The following RTN3 variants were observed in gnomAD, a reference collection of about 807,000 sequenced individuals.
RTN3 encodes the protein reticulon-3.
A neutral mutation model predicts 77.8 loss-of-function variants in RTN3; 49 were observed. The ratio of observed to expected loss-of-function variants is 0.63; its 90% CI spans 0.50 to 0.80. The LOEUF (loss-of-function observed/expected upper bound fraction) is 0.80. Among genes scored for constraint, RTN3 ranks in the 30% least tolerant of loss-of-function variants. The pLI is 0.00. For synonymous variants in RTN3, 464 were observed against 446.9 expected, an observed-to-expected ratio of 1.04 and a Z score of -0.48; for missense variants, 1,236 against 1,211.9, an observed-to-expected ratio of 1.02 and a Z score of -0.29.
chr11:63,755,411 G>A (rs180903354), intron 7 of RTN3, among the ~76,000 whole-genome samples: 2,468 of 150,460 alleles, frequency 0.016, 36 homozygotes, highest in Non-Finnish European at 0.025. Flanking sequence ...TTTGGGAGGC[G>A]GAGGCAGGTG....
intron 2 of RTN3, 128 bp from the exon 3 acceptor site, chr11:63,718,574 T>C: frequency 1.7e-6 from 1 of 595,676 alleles, no homozygotes; most frequent in African/African-American, 1.9e-5. Flanking sequence ...TGTGTGTATA[T>C]ATACATCCTG....
Position 63,727,947 on chromosome 11 carries a change from A to G in RTN3, c.2530+6915A>G, listed in dbSNP as rs1043262413. On this transcript the variant is annotated intron_variant, in intron 3 of 8. Coordinates refer to ENST00000377819, the MANE Select transcript of RTN3 (RefSeq NM_001265589.2). ...AAACACCACCTACTAGGATAATTAC[A>G]AAGAAAACCATACCTTGGTGTATGT... Among the ~76,000 whole-genome samples the G allele has an allele frequency of 2.6e-5, 4 of 152,304 alleles. No homozygotes were observed. The East Asian group carries it at 7.7e-4, about 29-fold the overall frequency.
Position 63,681,665 on chromosome 11 carries a change from C to A in RTN3, c.29C>A (p.Ser10Tyr). 3.1e-6 allele frequency: 5 copies of A among 1,611,580 alleles called. No individual in the cohort carries two copies. The highest frequency in any genetic ancestry group is 4.2e-6 in the Non-Finnish European group (5 of 1,178,706). Residue 10 changes from serine to tyrosine, a missense_variant, in exon 1 of 9, where the codon TCC (serine) becomes TAC (tyrosine). Ser to Tyr is a moderately radical substitution (Grantham distance 144). Around this residue, in one of 3 missense-constraint regions of RTN3, gnomAD observed 1,056 missense variants for 990.4 expected, o/e 1.07. Coordinates refer to ENST00000377819, the MANE Select transcript of RTN3 (RefSeq NM_001265589.2). MAEPSAATQ[S>Y]HSISSSSFGA... ...GCGGAGCCGTCGGCGGCCACTCAGT[C>A]CCATTCCATCTCCTCGTCGTCCTTC...
chr11:63,741,679 T>G (rs1056079814), intron 3 of RTN3, among the ~76,000 whole-genome samples: 1 of 151,894 alleles, frequency 6.6e-6, no homozygotes, highest in Non-Finnish European at 1.5e-5. Flanking sequence ...TTATGTGTTT[T>G]TAGTAGAGAT....
At chr11:63,747,821 A>G (rs1220634392) in intron 3 of RTN3, among the ~76,000 whole-genome samples, 1 of 152,174 alleles carries the variant, frequency 6.6e-6, no homozygotes. Flanking sequence ...TAGGAGGTAG[A>G]TTTCATTTTC....
intron 3 of RTN3, among the ~76,000 whole-genome samples, chr11:63,748,079 G>A (rs908228446): frequency 1.3e-5 from 2 of 151,662 alleles, no homozygotes; most frequent in African/African-American, 2.4e-5. Flanking sequence ...TTGGGATGCC[G>A]AGGCGGGCAG....
At chr11:63,687,540 G>T (rs1242156004) in intron 1 of RTN3, among the ~76,000 whole-genome samples, 2 of 151,922 alleles carry the variant, frequency 1.3e-5, no homozygotes, top group Non-Finnish European at 2.9e-5. Flanking sequence ...AACCCAGGAG[G>T]TGGAGGTTGC....
intron 2 of RTN3, among the ~76,000 whole-genome samples, chr11:63,716,543 C>T (rs997658276): frequency 2.6e-5 from 4 of 152,216 alleles, no homozygotes; most frequent in East Asian, 1.9e-4. Flanking sequence ...AGAAAGACAG[C>T]GCCCAGGGTG....
intron 3 of RTN3, among the ~76,000 whole-genome samples, chr11:63,729,447 TTTTTTTTTTTTTG>T (rs1159994178): frequency 2.4e-5 from 3 of 124,924 alleles, no homozygotes; most frequent in Non-Finnish European, 3.4e-5. Context: ...TTTTTTTTTT[TTTTTTTTTTTTTG>T]TTTGTTTGAG....
chr11:63,720,310 C>G lies in RTN3; in HGVS notation c.1808C>G (p.Pro603Arg). 1 of 1,613,742 alleles carries G rather than the reference C, an allele frequency of 6.2e-7. No individual in the cohort carries two copies. The highest frequency in any genetic ancestry group is 1.3e-5 in the African/African-American group (1 of 75,012). The change falls in exon 3 of 9, where the codon CCT becomes CGT. Residue 603 changes from proline (P) to arginine (R), a missense_variant. By Grantham distance (103) the Pro-to-Arg change is moderately radical (BLOSUM62 -2). Around this residue, in one of 3 missense-constraint regions of RTN3, gnomAD observed 1,056 missense variants for 990.4 expected, o/e 1.07. Transcript: ENST00000377819. ...GTGAGTGAAGTTGCTCCTGAAAAGC[C>G]TATTACTACTGAGAACCCCAAACTT... The part of the protein sequence containing the change: ...EDVSEVAPEK[P>R]ITTENPKLPS...
At chr11:63,745,627 A>C (rs778571300) in intron 3 of RTN3, among the ~76,000 whole-genome samples, 3 of 152,200 alleles carry the variant, frequency 2.0e-5, no homozygotes, top group Non-Finnish European at 4.4e-5. Context: ...ATCCCAGACC[A>C]TAATTCCACC....
At chr11:63,741,266 G>A (rs1407560145) in intron 3 of RTN3, among the ~76,000 whole-genome samples, 2 of 150,466 alleles carry the variant, frequency 1.3e-5, no homozygotes, top group Non-Finnish European at 3.0e-5. Context: ...GCTGTGGCTT[G>A]ATCTTGGCTC....
At chr11:63,684,129 G>GTTTTTT (rs61663789) in intron 1 of RTN3, among the ~76,000 whole-genome samples, 2 of 85,256 alleles carry the variant, frequency 2.3e-5, no homozygotes, top group Admixed American at 1.7e-4. Context: ...TTTTCTTTTG[G>GTTTTTT]TTTTTTTTTT....
At chr11:63,749,353 T>C (rs17657473) in intron 3 of RTN3, among the ~76,000 whole-genome samples, 6,763 of 152,270 alleles carry the variant, frequency 0.044, 225 homozygotes, top group Middle Eastern at 0.078. Context: ...TGAATTCTTT[T>C]CAGATTAACA....
At chr11:63,746,225 C>T (rs969658973) in intron 3 of RTN3, among the ~76,000 whole-genome samples, 3 of 152,166 alleles carry the variant, frequency 2.0e-5, no homozygotes, top group Non-Finnish European at 2.9e-5. Flanking sequence ...CTCTAAGTTT[C>T]CTCTTCCTGT....
chr11:63,714,217 A>G (rs2011261037), intron 2 of RTN3: 5 of 357,852 alleles, frequency 1.4e-5, no homozygotes, highest in South Asian at 1.1e-4. Flanking sequence ...CTGAAATTCT[A>G]AACAAAATAA....
intron 1 of RTN3, among the ~76,000 whole-genome samples, chr11:63,690,317 T>C (rs1166378718): frequency 6.6e-6 from 1 of 152,232 alleles, no homozygotes; most frequent in Non-Finnish European, 1.5e-5. Context: ...TTTCACGATA[T>C]CTTACATTTG....
chr11:63,737,822 G>C (rs1471514832), intron 3 of RTN3, among the ~76,000 whole-genome samples: 2 of 152,156 alleles, frequency 1.3e-5, no homozygotes, highest in African/African-American at 4.8e-5. Context: ...AGTTTGAAAG[G>C]GGTTCCTACA....
intron 3 of RTN3, among the ~76,000 whole-genome samples, chr11:63,725,459 T>G (rs1477653149): frequency 6.6e-6 from 1 of 152,086 alleles, no homozygotes; most frequent in Non-Finnish European, 1.5e-5. Context: ...TTCTTTTTCT[T>G]TTTTGAGATG....
Sources: allele counts gnomAD v4.1 joint callset (sites outside exome capture counted in the v4.1 genomes callset), GRCh38; gene constraint gnomAD v4.1.1; regional missense constraint gnomAD v4.1.1; transcripts MANE v1.5; gene names NCBI Gene and HGNC (gene_info 2026-07-23, HGNC 2026-07-21).